The following PPL variants were observed in gnomAD, a reference collection of about 807,000 sequenced individuals.
The protein encoded by PPL is 190 kDa paraneoplastic pemphigus antigen.
In PPL, 198 loss-of-function variants were observed where a neutral mutation model predicts 194.4. The observed-to-expected ratio is 1.02, with a 90% confidence interval of 0.91 to 1.15. PPL has a LOEUF of 1.15. PPL is among the 50% of genes most tolerant of loss of function. The pLI is 0.00. For missense variants in PPL, 2,885 were observed against 2,294.8 expected (o/e 1.26, Z -5.25); for synonymous variants, 1,220 against 972.4 (o/e 1.25, Z -4.74).
rs2088130815 is a variant in PPL, at chr16:4,883,105, TGGGAGTGTACAGGA to T, written c.*265_*278del. On this transcript the variant is annotated 3_prime_UTR_variant, in exon 22 of 22. Coordinates refer to ENST00000345988, the MANE Select transcript of PPL (RefSeq NM_002705.5). This position sits in a 1 kb window ranked among gnomAD's most constrained non-coding sequence, Gnocchi z 4.8. ...GCAGTTATCATGAGGAGTTTGTTGC[TGGGAGTGTACAGGA>T]AAAGGGAGGAAAAGGCATCGCAGTT... The T allele has an allele frequency of 2.3e-6, 1 of 429,180 alleles. No homozygotes were observed. Among genetic ancestry groups the T allele is most frequent in the Admixed American group, 4.0e-5 (1 of 24,778 alleles). 26.6% of individuals were successfully genotyped at this position (429,180 alleles called of 1,614,324 possible).
At position 4,884,152 on chromosome 16, in the gene PPL, G is replaced by A; in HGVS notation, c.4503C>T (p.Leu1501=). The A allele has an allele frequency of 6.2e-7, 1 of 1,613,804 alleles. No homozygotes were observed. The highest frequency in any genetic ancestry group is 8.5e-7 in the Non-Finnish European group (1 of 1,180,004). The change falls in exon 22 of 22, where the codon CTC becomes CTT. Residue 1501 remains leucine, a synonymous_variant. Coordinates refer to ENST00000345988, the MANE Select transcript of PPL (RefSeq NM_002705.5). This position sits in a 1 kb window ranked among gnomAD's most constrained non-coding sequence, Gnocchi z 5.7. ...CCTTCTCCACCTGGACACTCTCGGA[G>A]AGCACCACCTTCTCCTTGACCTCCG... The part of the protein sequence containing the change: ...EKAEVKEKVV[L]SESVQVEKGD...
chr16:4,886,313 C>T (rs983321049), intron 21 of PPL, among the ~76,000 whole-genome samples: 12 of 152,300 alleles, frequency 7.9e-5, no homozygotes, highest in African/African-American at 2.4e-4. Context: ...CGTCCTAGGG[C>T]GTGTCTGTCA....
At chr16:4,891,436 C>CTT (rs57933525) in intron 16 of PPL, 3,340 of 113,564 alleles carry the variant, frequency 0.029, 63 homozygotes, top group African/African-American at 0.044. Flanking sequence ...GTGCTTTATG[C>CTT]TTTTTTTTTT....
chr16:4,933,989 G>A (rs1332422988), intron 1 of PPL, among the ~76,000 whole-genome samples: 1 of 152,132 alleles, frequency 6.6e-6, no homozygotes, highest in Non-Finnish European at 1.5e-5. Context: ...AGCCAACATC[G>A]CCAGGCAGGC....
At chr16:4,914,195 C>G (rs1357970279) in intron 1 of PPL, among the ~76,000 whole-genome samples, 4 of 152,184 alleles carry the variant, frequency 2.6e-5, no homozygotes, top group African/African-American at 9.7e-5. Context: ...GGTTCTTGAC[C>G]GTCAAGGCAG....
chr16:4,909,349 C>T (rs898609908), intron 2 of PPL, among the ~76,000 whole-genome samples: 1 of 151,492 alleles, frequency 6.6e-6, no homozygotes, highest in Non-Finnish European at 1.5e-5. Context: ...GGCCTGGGGA[C>T]AGCAGCTTGG....
Position 4,902,962 on chromosome 16 carries a change from C to T in PPL, c.318-436G>A, listed in dbSNP as rs2088607054. On this transcript the variant is annotated intron_variant, in intron 3 of 21. Coordinates refer to ENST00000345988, the MANE Select transcript of PPL (RefSeq NM_002705.5). This position sits in a 1 kb window ranked among gnomAD's most constrained non-coding sequence, Gnocchi z 4.0. ...CTTCGGCCTCCCGAAGTGCTGGGAT[C>T]ACAGGCGTGAGCCACCGTGCCTGGC... Among the ~76,000 whole-genome samples the T allele has an allele frequency of 6.6e-6, 1 of 152,072 alleles. No individual in the cohort carries two copies. The highest frequency in any genetic ancestry group is 6.5e-5 in the Admixed American group (1 of 15,268).
chr16:4,920,504 T>G (rs146323630), intron 1 of PPL, among the ~76,000 whole-genome samples: 2,663 of 152,060 alleles, frequency 0.018, 70 homozygotes, highest in African/African-American at 0.057. Context: ...TGCTCTGTTG[T>G]CCAGGCTGCA....
At chr16:4,901,628 G>A (rs2088572492) in intron 4 of PPL, among the ~76,000 whole-genome samples, 2 of 151,926 alleles carry the variant, frequency 1.3e-5, no homozygotes, top group South Asian at 2.1e-4. Flanking sequence ...AGTTGAGGCT[G>A]CAGTGAGCCG....
At chr16:4,916,996 G>T (rs945100728) in intron 1 of PPL, among the ~76,000 whole-genome samples, 5 of 152,140 alleles carry the variant, frequency 3.3e-5, no homozygotes, top group African/African-American at 1.2e-4. Context: ...GCTGGGCGTG[G>T]TGGTATGTGC....
intron 2 of PPL, among the ~76,000 whole-genome samples, chr16:4,909,153 G>C (rs1438085411): frequency 1.3e-5 from 2 of 152,090 alleles, no homozygotes; most frequent in Non-Finnish European, 2.9e-5. Flanking sequence ...CACTCCTGGG[G>C]CCCCTGCAGG....
intron 1 of PPL, among the ~76,000 whole-genome samples, chr16:4,914,902 T>C (rs2088889511): frequency 6.6e-6 from 1 of 152,116 alleles, no homozygotes; most frequent in Non-Finnish European, 1.5e-5. Flanking sequence ...ACATGGAGAA[T>C]GTGAGTTTCT....
intron 17 of PPL, 43 bp from the exon 18 acceptor site, chr16:4,890,377 T>C (rs776683300): frequency 8.1e-5 from 124 of 1,534,628 alleles, no homozygotes; most frequent in Non-Finnish European, 9.9e-5. Flanking sequence ...AGCAAACAGA[T>C]GCCTCACCGA....
rs1442783436 is a variant in PPL at position 4,889,241 on chromosome 16, G to GGTTTTTTTTTT, written c.2314-181_2314-180insAAAAAAAAAAC. On this transcript the variant is annotated intron_variant, in intron 18 of 21. Coordinates refer to ENST00000345988, the MANE Select transcript of PPL (RefSeq NM_002705.5). Reference sequence around the variant, plus strand: ...AAAAGGCAGTTTTTTTGTTGTTGTTGTTTTTTTTTTTTTTTTTTTTTTTTT... The same window carrying GGTTTTTTTTTT: ...AAAAGGCAGTTTTTTTGTTGTTGTTGGTTTTTTTTTTTTTTTTTTTTTTTTTTTTTTTTTTT... 3.9e-3 allele frequency among the ~76,000 whole-genome samples: 263 copies of GGTTTTTTTTTT among 66,634 alleles called. 28 individuals are homozygous for GGTTTTTTTTTT. The highest frequency in any genetic ancestry group is 4.4e-3 in the Non-Finnish European group (176 of 40,354). 43.7% of individuals were successfully genotyped at this position (66,634 alleles called of 152,430 possible).
chr16:4,919,448 G>A (rs913122984), intron 1 of PPL, among the ~76,000 whole-genome samples: 20 of 152,144 alleles, frequency 1.3e-4, no homozygotes, highest in African/African-American at 3.9e-4. Context: ...TTTTTAAATA[G>A]AGATGGTTTC....
Position 4,902,554 on chromosome 16 carries a change from G to A in PPL, c.318-28C>T, listed in dbSNP as rs2088596938. 6.2e-7 allele frequency: 1 copy of A among 1,607,426 alleles called. No homozygotes were observed. Among genetic ancestry groups the A allele is most frequent in the African/African-American group, 1.3e-5 (1 of 74,804 alleles). On this transcript the variant is annotated intron_variant, in intron 3 of 21. Transcript: ENST00000345988. This position sits in a 1 kb window ranked among gnomAD's most constrained non-coding sequence, Gnocchi z 4.0. ...GATGGGAGAGAGGCTCCCACTTAGT[G>A]GGGCTGGTTGGCACTGCCTGCACCC...
rs2088161985 is a variant in PPL, at chr16:4,884,130, T to C, written c.4525A>G (p.Lys1509Glu). The C allele has an allele frequency of 6.2e-7, 1 of 1,613,592 alleles. No individual in the cohort carries two copies. The highest frequency in any genetic ancestry group is 8.5e-7 in the Non-Finnish European group (1 of 1,179,988). ...VVLSESVQVE[K>E]GDTEQEIQRL... Reference sequence around the variant, plus strand: ...TGGATCTCTTGCTCGGTGTCGCCCTTCTCCACCTGGACACTCTCGGAGAGC... The same window carrying C: ...TGGATCTCTTGCTCGGTGTCGCCCTCCTCCACCTGGACACTCTCGGAGAGC... Residue 1509 changes from lysine to glutamate, a missense_variant, in exon 22 of 22, where the codon AAG becomes GAG. Coordinates refer to ENST00000345988, the MANE Select transcript of PPL (RefSeq NM_002705.5). This position sits in a 1 kb window ranked among gnomAD's most constrained non-coding sequence, Gnocchi z 5.7.
intron 1 of PPL, among the ~76,000 whole-genome samples, chr16:4,914,372 T>G (rs528544508): frequency 6.6e-6 from 1 of 152,172 alleles, no homozygotes; most frequent in Non-Finnish European, 1.5e-5. Flanking sequence ...TTCCCCAGGG[T>G]ACCTGGACAC....
At chr16:4,900,712 G>T in intron 6 of PPL, 118 bp downstream of exon 6, 1 of 1,415,996 alleles carries the variant, frequency 7.1e-7, no homozygotes, top group Non-Finnish European at 9.8e-7. Context: ...TGCTAGGCGT[G>T]AGCCACCATG....
Sources: gnomAD v4.1 joint callset for allele counts (sites outside exome capture counted in the v4.1 genomes callset) on GRCh38, gnomAD v4.1.1 for gene constraint, Gnocchi (gnomAD v3.1) non-coding constraint, MANE v1.5 for transcripts, NCBI Gene and HGNC (gene_info 2026-07-23, HGNC 2026-07-21) for gene names.